The following SLC66A1 variants were observed in gnomAD, a reference collection of about 807,000 sequenced individuals.
The protein encoded by SLC66A1 is solute carrier family 66 member 1, also known as lysosomal amino acid transporter 1 homolog.
Under a neutral mutation model 33.0 loss-of-function variants are expected in SLC66A1, and 23 were observed. The observed-to-expected ratio is 0.70, with a 90% CI of 0.50 to 0.99. The LOEUF is 0.99. Ranked by LOEUF, SLC66A1 falls within the 50% of genes least tolerant of loss-of-function variation. The pLI is 0.00. For missense variants in SLC66A1, 335 were observed against 383.6 expected, an observed-to-expected ratio of 0.87 and a Z score of 1.06; for synonymous variants, 164 against 175.5, an observed-to-expected ratio of 0.93 and a Z score of 0.52.
At chr1:19,327,822 G>T in intron 7 of SLC66A1, 1 of 355,606 alleles carries the variant, frequency 2.8e-6, no homozygotes, top group South Asian at 2.2e-5. Flanking sequence ...CCTGTGACTT[G>T]ACAGAGTAGG....
downstream of SLC66A1, among the ~76,000 whole-genome samples, chr1:19,331,074 C>T (rs770976452): frequency 7.9e-5 from 12 of 152,164 alleles, 1 homozygote; most frequent in African/African-American, 2.9e-4. Context: ...TGCAATGGTG[C>T]GATCTCAGCT....
downstream of SLC66A1, among the ~76,000 whole-genome samples, chr1:19,334,072 A>G (rs2093898780): frequency 1.3e-5 from 2 of 152,196 alleles, no homozygotes; most frequent in African/African-American, 2.4e-5. Flanking sequence ...GGACACAGTC[A>G]CCCAGTAGCA....
At chr1:19,329,511 T>C (rs745723901), downstream of SLC66A1, among the ~76,000 whole-genome samples, 129 of 152,158 alleles carry the variant, frequency 8.5e-4, no homozygotes, top group Admixed American at 8.1e-3. Context: ...TGTGGGGACA[T>C]AGCAGGGAGA....
rs765739982 is a variant in SLC66A1, at chr1:19,317,723, A to C, written c.46A>C (p.Ser16Arg). 6.2e-7 allele frequency: 1 copy of C among 1,614,074 alleles called. No individual in the cohort carries two copies. The highest frequency in any genetic ancestry group is 1.3e-5 in the African/African-American group (1 of 74,934). The change falls in exon 2 of 8, where the codon AGT (serine) becomes CGT (arginine). Residue 16 changes from serine (S) to arginine (R), a missense_variant. Transcript: ENST00000375153. ...CTCCCGCAACTTCTCCAGCTGCCCC[A>C]GTGGCTCCATCCAGTGGATATGGGA... ...LGSRNFSSCPSGSIQWIWDVL... is the reference protein window; with the variant it reads ...LGSRNFSSCPRGSIQWIWDVL...
At chr1:19,320,069 G>T (rs1237101838) in intron 2 of SLC66A1, among the ~76,000 whole-genome samples, 2 of 150,004 alleles carry the variant, frequency 1.3e-5, no homozygotes, top group African/African-American at 4.9e-5. Context: ...GCTAATTTAT[G>T]TATATATTTT....
chr1:19,327,255 C>T lies in SLC66A1; in HGVS notation c.647C>T (p.Ser216Phe). 1 of 1,613,954 alleles carries T rather than the reference C, an allele frequency of 6.2e-7. No homozygotes were observed. Among genetic ancestry groups the T allele is most frequent in the Non-Finnish European group, 8.5e-7 (1 of 1,179,908 alleles). The change falls in exon 7 of 8, where the codon TCC becomes TTC. Residue 216 changes from serine (S) to phenylalanine (F), a missense_variant. Physicochemically the swap from Ser to Phe is radical, Grantham distance 155. Coordinates refer to ENST00000375153, the MANE Select transcript of SLC66A1 (RefSeq NM_001040125.2). ...NFLRKSTQGI[S>F]YSLFALVMLG... is the part of the protein sequence containing the mutation. ...CTCCGGAAGTCCACCCAGGGGATCT[C>T]CTACTCTCTGTTCGCGCTGGTGATG...
At chr1:19,316,365 G>C (rs1469749195) in intron 1 of SLC66A1, among the ~76,000 whole-genome samples, 2 of 146,408 alleles carry the variant, frequency 1.4e-5, no homozygotes, top group Admixed American at 1.4e-4. Flanking sequence ...GTGTGTGTGT[G>C]TGTGTGTGTG....
intron 3 of SLC66A1, 77 bp from the exon 4 acceptor site, chr1:19,325,418 T>TCCAG: frequency 9.8e-7 from 1 of 1,018,882 alleles, no homozygotes; most frequent in South Asian, 1.3e-5. Flanking sequence ...CCAGCTGGGA[T>TCCAG]ATGACAGAGG....
At position 19,328,669 on chromosome 1, in the gene SLC66A1, A is replaced by G. The variant is rs2093882603; in HGVS notation, c.*26A>G. The G allele has an allele frequency of 6.2e-7, 1 of 1,609,854 alleles. No individual in the cohort carries two copies. Among genetic ancestry groups the G allele is most frequent in the Non-Finnish European group, 8.5e-7 (1 of 1,177,092 alleles). On this transcript the variant is annotated 3_prime_UTR_variant, in exon 8 of 8. Coordinates refer to ENST00000375153, the MANE Select transcript of SLC66A1 (RefSeq NM_001040125.2). The surrounding 1 kb of genome is among the most constrained non-coding windows in gnomAD (Gnocchi z 4.7). ...CCAGAACCAGGCTGAGCGCAGGAGGACAGGCACCACCGGATGCCACACCAG... is the reference window on the plus strand; with the variant it reads ...CCAGAACCAGGCTGAGCGCAGGAGGGCAGGCACCACCGGATGCCACACCAG...
chr1:19,326,616 G>T lies in SLC66A1; in HGVS notation c.611G>T (p.Arg204Leu). 3.7e-6 allele frequency: 6 copies of T among 1,614,042 alleles called. No individual in the cohort carries two copies. Among genetic ancestry groups the T allele is most frequent in the Non-Finnish European group, 5.1e-6 (6 of 1,179,940 alleles). ...CTGCTTTCCCGGCTGCCTCAGATCC[G>T]CACCAACGTGAGCCTCCAGCAGGGG... is the stretch of plus-strand genomic sequence containing the variant. ...LYLLSRLPQI[R>L]TNFLRKSTQG... Residue 204 changes from arginine to leucine, a missense_variant, in exon 6 of 8, where the codon CGC becomes CTC. Transcript: ENST00000375153.
At position 19,320,964 on chromosome 1, in the gene SLC66A1, C is replaced by G. The variant is rs543037455; in HGVS notation, c.164+3123C>G. Among the ~76,000 whole-genome samples, 6 of 149,488 alleles carry G rather than the reference C, an allele frequency of 4.0e-5. No homozygotes were observed. The South Asian group carries it at 1.3e-3, about 31-fold the overall frequency. ...CTGATCTCAGGTGATCTGCCTGCCT[C>G]AGCCTCCCAAAGTGCTGAGATTACA... On this transcript the variant is annotated intron_variant, in intron 2 of 7. Transcript: ENST00000375153.
Position 19,317,620 on chromosome 1 carries a change from C to A in SLC66A1, c.-58C>A. 1.9e-6 allele frequency: 3 copies of A among 1,592,218 alleles called. No homozygotes were observed. Among genetic ancestry groups the A allele is most frequent in the South Asian group, 1.1e-5 (1 of 87,578 alleles). On this transcript the variant is annotated 5_prime_UTR_variant, in exon 2 of 8. Transcript: ENST00000375153. ...TGTAGAACCCTTGCTGGCCTCAGAA[C>A]ACCAGCGCCCTCCCTCCGGTGCAGC...
intron 2 of SLC66A1, among the ~76,000 whole-genome samples, chr1:19,320,977 T>G (rs1237218593): frequency 6.7e-6 from 1 of 149,688 alleles, no homozygotes; most frequent in Non-Finnish European, 1.5e-5. Context: ...CCTCCCAAAG[T>G]GCTGAGATTA....
chr1:19,330,958 C>A (rs895018017), downstream of SLC66A1, among the ~76,000 whole-genome samples: 3 of 152,156 alleles, frequency 2.0e-5, no homozygotes, highest in African/African-American at 7.2e-5. Context: ...GGCTGCGCCG[C>A]CTGCCATCAG....
At chr1:19,326,215 A>G (rs766671397) in intron 4 of SLC66A1, 30 bp from the exon 5 acceptor site, 11 of 1,579,272 alleles carry the variant, frequency 7.0e-6, no homozygotes, top group Non-Finnish European at 8.6e-6. Context: ...TCAGCCATCT[A>G]ACCTCAGCTT....
intron 2 of SLC66A1, among the ~76,000 whole-genome samples, chr1:19,323,775 C>G (rs997888084): frequency 1.3e-5 from 2 of 152,136 alleles, no homozygotes; most frequent in Admixed American, 1.3e-4. Context: ...GAAACTGGAA[C>G]AGTAAATGGC....
At chr1:19,327,646 C>A (rs1401669018) in intron 7 of SLC66A1, 2 of 707,054 alleles carry the variant, frequency 2.8e-6, no homozygotes, top group East Asian at 5.6e-5. Flanking sequence ...CCATGAGTGC[C>A]CCAGAAGCTT....
chr1:19,322,670 A>T (rs1176001463), intron 2 of SLC66A1, among the ~76,000 whole-genome samples: 5 of 152,036 alleles, frequency 3.3e-5, no homozygotes, highest in African/African-American at 1.2e-4. Flanking sequence ...ATTTCCTGAG[A>T]CGGGAAAGAT....
Position 19,318,433 on chromosome 1 carries a change from C to G in SLC66A1, c.164+592C>G, listed in dbSNP as rs527896522. On this transcript the variant is annotated intron_variant, in intron 2 of 7. Coordinates refer to ENST00000375153, the MANE Select transcript of SLC66A1 (RefSeq NM_001040125.2). Reference sequence around the variant, plus strand: ...CGTGTCACCTCACTGCTCTGAGCCTCAGTTTCCTTGCTTGTGTCATGGAAA... The same window carrying G: ...CGTGTCACCTCACTGCTCTGAGCCTGAGTTTCCTTGCTTGTGTCATGGAAA... 5.9e-5 allele frequency among the ~76,000 whole-genome samples: 9 copies of G among 152,282 alleles called. No homozygotes were observed. The East Asian group carries it at 1.7e-3, about 29-fold the overall frequency.
Sources: gnomAD v4.1 joint callset for allele counts (sites outside exome capture counted in the v4.1 genomes callset) on GRCh38, gnomAD v4.1.1 for gene constraint, Gnocchi (gnomAD v3.1) non-coding constraint, MANE v1.5 for transcripts, NCBI Gene and HGNC (gene_info 2026-07-23, HGNC 2026-07-21) for gene names.